The following TMEM272 variants were observed in gnomAD, a reference collection of about 807,000 sequenced individuals.
The protein encoded by TMEM272 is long intergenic non-protein coding RNA 282.
A neutral mutation model predicts 3.7 loss-of-function variants in TMEM272; 8 were observed. The observed-to-expected ratio is 2.17, with a 90% CI of 1.27 to 3.91. The LOEUF is 3.91. Among genes scored for constraint, TMEM272 ranks in the 30% most tolerant of loss-of-function variants. The pLI, the probability that TMEM272 is intolerant of heterozygous loss-of-function variation, is 0.00. For missense variants in TMEM272, 166 were observed against 91.5 expected (o/e 1.81, Z -3.32); for synonymous variants, 63 against 39.8 (o/e 1.58, Z -2.20).
At chr13:51,928,365 TG>T in the TMEM272 span, among the ~76,000 whole-genome samples, 6 of 152,364 alleles carry the variant, frequency 3.9e-5, no homozygotes, top group African/African-American at 1.4e-4. Flanking sequence ...GCACTCCGGA[TG>T]TGCCGGGCAC....
At chr13:51,908,293 T>C in the TMEM272 span, 164,208 of 1,070,378 alleles carry the variant, frequency 0.15, 17,875 homozygotes, top group East Asian at 0.47. Flanking sequence ...ACTCACTCTA[T>C]CTTCAGAATG....
chr13:51,891,730 A>G, the TMEM272 span, among the ~76,000 whole-genome samples: 4 of 152,174 alleles, frequency 2.6e-5, no homozygotes, highest in African/African-American at 9.7e-5. Flanking sequence ...AATGGAAGGA[A>G]AAAGAGGCAG....
the TMEM272 span, among the ~76,000 whole-genome samples, chr13:51,927,316 C>A: frequency 2.0e-5 from 3 of 152,118 alleles, no homozygotes; most frequent in Admixed American, 6.5e-5. Context: ...GATGCCACGG[C>A]CCACTCGCTG....
At chr13:51,888,316 G>A in the TMEM272 span, among the ~76,000 whole-genome samples, 2 of 152,162 alleles carry the variant, frequency 1.3e-5, no homozygotes, top group Non-Finnish European at 2.9e-5. Context: ...AAAGTGCTGT[G>A]ATTACAGGCG....
At chr13:51,879,395 A>C in the TMEM272 span, among the ~76,000 whole-genome samples, 4 of 152,126 alleles carry the variant, frequency 2.6e-5, no homozygotes. Flanking sequence ...AGTAACAGTA[A>C]CTCAAGGGAT....
chr13:51,829,700 C>T (rs1566343936), intron 2 of TMEM272, among the ~76,000 whole-genome samples: 1 of 152,104 alleles, frequency 6.6e-6, no homozygotes, highest in Non-Finnish European at 1.5e-5. Context: ...TGCCACCTGG[C>T]CACATATATA....
At chr13:51,874,514 G>C in the TMEM272 span, among the ~76,000 whole-genome samples, 1 of 152,160 alleles carries the variant, frequency 6.6e-6, no homozygotes, top group Non-Finnish European at 1.5e-5. Context: ...CCTGAGGGAA[G>C]GAGTGTGAGG....
chr13:51,834,930 C>G (rs1956202306), intron 2 of TMEM272, among the ~76,000 whole-genome samples: 1 of 152,220 alleles, frequency 6.6e-6, no homozygotes, highest in Non-Finnish European at 1.5e-5. Flanking sequence ...TGCAGGGAAG[C>G]AAATGTTCTG....
chr13:51,845,609 G>C (rs1358757976), upstream of TMEM272, among the ~76,000 whole-genome samples: 1 of 152,192 alleles, frequency 6.6e-6, no homozygotes, highest in African/African-American at 2.4e-5. Flanking sequence ...ATCTGAGATA[G>C]AATGAAGTTA....
the TMEM272 span, among the ~76,000 whole-genome samples, chr13:51,870,685 A>G: frequency 6.6e-6 from 1 of 152,252 alleles, no homozygotes; most frequent in Non-Finnish European, 1.5e-5. Flanking sequence ...ATAAATCTGA[A>G]TTCTAAGCTG....
the TMEM272 span, among the ~76,000 whole-genome samples, chr13:51,899,567 A>G: frequency 6.6e-6 from 1 of 152,140 alleles, no homozygotes; most frequent in African/African-American, 2.4e-5. Flanking sequence ...TAAGACGGCA[A>G]TATTTCCCAA....
At chr13:51,831,613 G>T (rs781760447) in intron 2 of TMEM272, among the ~76,000 whole-genome samples, 1 of 152,162 alleles carries the variant, frequency 6.6e-6, no homozygotes, top group Admixed American at 6.5e-5. Flanking sequence ...TTTACCACTT[G>T]GTCCTAATAA....
intron 1 of TMEM272, among the ~76,000 whole-genome samples, chr13:51,843,899 T>C (rs992402690): frequency 3.3e-5 from 5 of 152,252 alleles, no homozygotes; most frequent in Non-Finnish European, 4.4e-5. Context: ...TTCAGTCCAA[T>C]TGATATATCT....
At chr13:51,930,319 T>C in the TMEM272 span, 2 of 152,224 alleles carry the variant, frequency 1.3e-5, no homozygotes, top group Admixed American at 1.3e-4. Context: ...ATAAAGTAGA[T>C]TCTGGGATTT....
At chr13:51,913,325 AT>A in the TMEM272 span, among the ~76,000 whole-genome samples, 1 of 152,256 alleles carries the variant, frequency 6.6e-6, no homozygotes, top group African/African-American at 2.4e-5. Context: ...TACCAGTGGC[AT>A]TTTGAAATTT....
the TMEM272 span, among the ~76,000 whole-genome samples, chr13:51,896,968 A>G: frequency 6.6e-6 from 1 of 152,194 alleles, no homozygotes; most frequent in Non-Finnish European, 1.5e-5. Context: ...CCGCAGTTCC[A>G]TGTACACCGT....
chr13:51,825,635 GTTTT>G (rs11295479), intron 3 of TMEM272, among the ~76,000 whole-genome samples: 1 of 129,938 alleles, frequency 7.7e-6, no homozygotes, highest in Non-Finnish European at 1.7e-5. Flanking sequence ...TTGTTTTTGT[GTTTT>G]TTTTTTTTTT....
rs527851077 is a variant in TMEM272, at chr13:51,834,428, T to C, written c.58+4045A>G. 1.3e-4 allele frequency among the ~76,000 whole-genome samples: 20 copies of C among 152,252 alleles called. No homozygotes were observed. The South Asian group carries it at 3.5e-3, about 27-fold the overall frequency. Reference sequence around the variant, plus strand: ...CTCGTGTGACCCACAAAGCCCAGGGTTGATGTTCCTGGTACTCTGGCAAGT... The same window carrying C: ...CTCGTGTGACCCACAAAGCCCAGGGCTGATGTTCCTGGTACTCTGGCAAGT... On this transcript the variant is annotated intron_variant, in intron 2 of 4. Coordinates refer to ENST00000629372, the MANE Select transcript of TMEM272 (RefSeq NM_001351003.2).
chr13:51,899,018 T>G, the TMEM272 span, among the ~76,000 whole-genome samples: 9 of 152,316 alleles, frequency 5.9e-5, no homozygotes, highest in South Asian at 2.1e-4. Context: ...ACTGCATGTC[T>G]TACTCCCACA....
Sources: gnomAD v4.1 joint callset for allele counts (sites outside exome capture counted in the v4.1 genomes callset) on GRCh38, gnomAD v4.1.1 for gene constraint, MANE v1.5 for transcripts, NCBI Gene and HGNC (gene_info 2026-07-23, HGNC 2026-07-21) for gene names.